The following TCF4 variants were observed in gnomAD, a reference collection of about 807,000 sequenced individuals.
The protein encoded by TCF4 is transcription factor 4, also known as SL3-3 enhancer factor 2.
In TCF4, 3 loss-of-function variants were observed where a neutral mutation model predicts 82.1. The ratio of observed to expected loss-of-function variants is 0.04; its 90% CI spans 0.02 to 0.09. TCF4 has a LOEUF of 0.09. TCF4 is among the 10% of genes least tolerant of loss of function. The pLI is 1.00. For synonymous variants in TCF4, 276 were observed against 309.6 expected, an observed-to-expected ratio of 0.89 and a Z score of 1.14; for missense variants, 518 against 852.7, an observed-to-expected ratio of 0.61 and a Z score of 4.89.
At chr18:55,589,642 CTCAT>C, upstream of TCF4, 1 of 1,042,120 alleles carries the variant, frequency 9.6e-7, no homozygotes, top group African/African-American at 1.7e-5. Context: ...TTTTTCTTCT[CTCAT>C]AAAGTCTTAA....
At chr18:55,546,732 T>C (rs2097210509) in intron 3 of TCF4, 1 of 152,134 alleles carries the variant, frequency 6.6e-6, no homozygotes. Context: ...GTGAGAAAAA[T>C]AATAAATTTT....
intron 6 of TCF4, among the ~76,000 whole-genome samples, chr18:55,399,880 T>TCACA (rs398041380): frequency 0.016 from 993 of 63,482 alleles, 18 homozygotes; most frequent in East Asian, 0.042. Context: ...TCTCTCTCTC[T>TCACA]CACACACACA....
At chr18:55,251,213 A>C (rs2054968241) in intron 15 of TCF4, among the ~76,000 whole-genome samples, 1 of 152,120 alleles carries the variant, frequency 6.6e-6, no homozygotes. Flanking sequence ...AGAAAATGGA[A>C]AGGCAGGGAA....
At chr18:55,411,750 T>C (rs1257007549) in intron 5 of TCF4, among the ~76,000 whole-genome samples, 5 of 152,168 alleles carry the variant, frequency 3.3e-5, no homozygotes, top group Non-Finnish European at 4.4e-5. Context: ...TTTATTTTTT[T>C]CTTTTTAAGA....
At chr18:55,469,831 T>C (rs1416417050) in intron 3 of TCF4, among the ~76,000 whole-genome samples, 1 of 152,204 alleles carries the variant, frequency 6.6e-6, no homozygotes, top group Non-Finnish European at 1.5e-5. Flanking sequence ...TTGATTTCCA[T>C]TCTTGGAAAT....
At chr18:55,469,850 C>T (rs535224663) in intron 3 of TCF4, among the ~76,000 whole-genome samples, 1 of 152,176 alleles carries the variant, frequency 6.6e-6, no homozygotes, top group East Asian at 1.9e-4. Flanking sequence ...ATAGGGCAGG[C>T]TAGTATATTT....
chr18:55,392,201 G>A (rs1329529498), intron 6 of TCF4, among the ~76,000 whole-genome samples: 3 of 151,278 alleles, frequency 2.0e-5, no homozygotes, highest in Non-Finnish European at 4.4e-5. Context: ...CTGTCCTCAA[G>A]TGATCCACCC....
At chr18:55,435,329 TA>T (rs2095306140) in intron 5 of TCF4, among the ~76,000 whole-genome samples, 1 of 152,232 alleles carries the variant, frequency 6.6e-6, no homozygotes, top group Admixed American at 6.5e-5. Flanking sequence ...TTATTTTTAT[TA>T]AATAGTCTTA....
At chr18:55,577,678 A>G (rs1282612263) in intron 3 of TCF4, among the ~76,000 whole-genome samples, 1 of 152,088 alleles carries the variant, frequency 6.6e-6, no homozygotes, top group East Asian at 1.9e-4. Flanking sequence ...GAAATTTGAG[A>G]TTAAAAACCT....
chr18:55,597,398 TC>T (rs201212149), intron 2 of TCF4, among the ~76,000 whole-genome samples: 4 of 151,732 alleles, frequency 2.6e-5, no homozygotes, highest in African/African-American at 9.7e-5. Flanking sequence ...CCCTTCCCTC[TC>T]CCCCAAAGAA....
intron 3 of TCF4, among the ~76,000 whole-genome samples, chr18:55,517,659 A>C (rs944561521): frequency 6.6e-6 from 1 of 152,260 alleles, no homozygotes; most frequent in African/African-American, 2.4e-5. Context: ...AGTCTGAGAA[A>C]TGAAAAAACT....
intron 6 of TCF4, among the ~76,000 whole-genome samples, chr18:55,377,956 T>A (rs1411400260): frequency 6.6e-6 from 1 of 152,248 alleles, no homozygotes; most frequent in African/African-American, 2.4e-5. Context: ...ATTTTATTAA[T>A]GTTACTGTGC....
chr18:55,334,163 T>C (rs2078152096), intron 8 of TCF4, among the ~76,000 whole-genome samples: 1 of 152,180 alleles, frequency 6.6e-6, no homozygotes, highest in Non-Finnish European at 1.5e-5. Context: ...ACTAAACTGC[T>C]AATTCAAATA....
chr18:55,458,985 G>T (rs2095822148), intron 5 of TCF4, among the ~76,000 whole-genome samples: 1 of 152,142 alleles, frequency 6.6e-6, no homozygotes, highest in Non-Finnish European at 1.5e-5. Flanking sequence ...GGTGGAAAAT[G>T]TAGCAGTTTG....
intron 3 of TCF4, among the ~76,000 whole-genome samples, chr18:55,579,363 CTGTAA>C (rs1157915678): frequency 6.6e-6 from 1 of 151,510 alleles, no homozygotes; most frequent in African/African-American, 2.4e-5. Flanking sequence ...TTTAAAAAAT[CTGTAA>C]TGTATTTTAC....
chr18:55,466,850 TG>T (rs1319922315), intron 3 of TCF4, among the ~76,000 whole-genome samples: 1 of 152,230 alleles, frequency 6.6e-6, no homozygotes, highest in African/African-American at 2.4e-5. Context: ...TTAAAAATGC[TG>T]GAAGTCTAGC....
rs867185084 is a variant in TCF4 at position 55,524,385 on chromosome 18, T to C, written c.146-60248A>G. Among the ~76,000 whole-genome samples, 4 of 152,258 alleles carry C rather than the reference T, an allele frequency of 2.6e-5. No homozygotes were observed. In the South Asian group the frequency reaches 6.2e-4, roughly 24 times the overall value. On this transcript the variant is annotated intron_variant, in intron 3 of 19. Transcript: ENST00000354452. ...TTTAAAAAAAAAACTATGAGTTAAC[T>C]AGGTCAGAAGTAGAATAAAAACATT...
intron 3 of TCF4, among the ~76,000 whole-genome samples, chr18:55,503,005 C>T (rs1247740380): frequency 6.6e-6 from 1 of 152,144 alleles, no homozygotes; most frequent in Non-Finnish European, 1.5e-5. Context: ...TATGTGCCAC[C>T]TCCTTACCAA....
chr18:55,228,250 G>A lies in TCF4; in HGVS notation c.1991C>T (p.Ala664Val), dbSNP rs766841520. The A allele has an allele frequency of 6.2e-7, 1 of 1,614,196 alleles. No individual in the cohort carries two copies. The highest frequency in any genetic ancestry group is 1.1e-5 in the South Asian group (1 of 91,082). The change falls in exon 19 of 20, where the codon GCA becomes GTA. Residue 664 changes from alanine (A) to valine (V), a missense_variant. Transcript: ENST00000354452. ...TTACATCTGTCCCATGTGATTCGAT[G>A]CGTCTCCCATTCCAGGGTGTGGGCC... ...LAGPHPGMGDASNHMGQM is the reference protein window; with the variant it reads ...LAGPHPGMGDVSNHMGQM
Sources: gnomAD v4.1 joint callset for allele counts (sites outside exome capture counted in the v4.1 genomes callset) on GRCh38, gnomAD v4.1.1 for gene constraint, MANE v1.5 for transcripts, NCBI Gene and HGNC (gene_info 2026-07-23, HGNC 2026-07-21) for gene names.